The following LSM14A variants were observed in gnomAD, a reference collection of about 807,000 sequenced individuals.
LSM14A encodes LSM14A mRNA processing body assembly factor.
Under a neutral mutation model 52.4 loss-of-function variants are expected in LSM14A, and 14 were observed. The observed-to-expected ratio is 0.27, with a 90% CI of 0.18 to 0.42. LSM14A has a LOEUF of 0.42. Among genes scored for constraint, LSM14A ranks in the 10% least tolerant of loss-of-function variants. LSM14A has a pLI of 1.00. For missense variants in LSM14A, 417 were observed against 581.8 expected, an observed-to-expected ratio of 0.72 and a Z score of 2.91; for synonymous variants, 185 against 200.3, an observed-to-expected ratio of 0.92 and a Z score of 0.64.
chr19:34,202,578 C>CA (rs1352721583), intron 3 of LSM14A, among the ~76,000 whole-genome samples: 1 of 151,692 alleles, frequency 6.6e-6, no homozygotes, highest in African/African-American at 2.4e-5. Context: ...ATCAGTTTGG[C>CA]AAAAACTCAA....
intron 1 of LSM14A, among the ~76,000 whole-genome samples, chr19:34,180,364 A>G (rs2069394176): frequency 6.6e-6 from 1 of 152,210 alleles, no homozygotes. Flanking sequence ...TGGAATACTT[A>G]GCAGCTTTTT....
At position 34,172,627 on chromosome 19, in the gene LSM14A, C is replaced by G; in HGVS notation, c.-16C>G. The G allele has an allele frequency of 1.3e-6, 2 of 1,509,920 alleles. No homozygotes were observed. The highest frequency in any genetic ancestry group is 1.8e-6 in the Non-Finnish European group (2 of 1,119,532). 93.5% of individuals were successfully genotyped at this position (1,509,920 alleles called of 1,614,324 possible). On this transcript the variant is annotated 5_prime_UTR_variant, in exon 1 of 10. Coordinates refer to ENST00000544216, the MANE Select transcript of LSM14A (RefSeq NM_015578.4). ...CTGCCTCTCTGCGAGCAGCTGGGAG[C>G]GGCGGCGGCGGCGCCATGAGCGGGG...
intron 1 of LSM14A, among the ~76,000 whole-genome samples, chr19:34,179,564 G>C (rs748614908): frequency 3.9e-5 from 6 of 152,082 alleles, no homozygotes; most frequent in African/African-American, 7.2e-5. Flanking sequence ...AGAAATACTT[G>C]GTAATTCTGG....
intron 1 of LSM14A, among the ~76,000 whole-genome samples, chr19:34,174,169 G>A (rs963090553): frequency 3.7e-4 from 56 of 152,240 alleles, no homozygotes; most frequent in African/African-American, 1.3e-3. Context: ...GGCTGGTCTC[G>A]AACTCCTGAC....
intron 1 of LSM14A, among the ~76,000 whole-genome samples, chr19:34,174,054 A>T (rs2068904391): frequency 6.6e-6 from 1 of 152,156 alleles, no homozygotes; most frequent in African/African-American, 2.4e-5. Context: ...GGTTCAAGTG[A>T]TTCTCCTGCC....
rs1307402524 is a variant in LSM14A, at chr19:34,175,310, A to G, written c.121+2547A>G. Reference sequence around the variant, plus strand: ...CAGTGGCACAATCCTGGCTCCCTGTAACCTCTGCCTTCCAAGTTCAAGCAA... The same window carrying G: ...CAGTGGCACAATCCTGGCTCCCTGTGACCTCTGCCTTCCAAGTTCAAGCAA... On this transcript the variant is annotated intron_variant, in intron 1 of 9. Coordinates refer to ENST00000544216, the MANE Select transcript of LSM14A (RefSeq NM_015578.4). 2.6e-5 allele frequency among the ~76,000 whole-genome samples: 4 copies of G among 151,294 alleles called. No homozygotes were observed. In the East Asian group the frequency reaches 7.7e-4, roughly 29 times the overall value.
rs1328515026 is a variant in LSM14A, at chr19:34,172,750, A to G, written c.108A>G (p.Val36=). The G allele has an allele frequency of 6.4e-7, 1 of 1,571,802 alleles. No individual in the cohort carries two copies. The highest frequency in any genetic ancestry group is 8.6e-7 in the Non-Finnish European group (1 of 1,161,002). ...CCATCGACACCGAAAACTCCACCGTAGCCCTTGCCAAAGGTACGCGGGACC... is the reference window on the plus strand; with the variant it reads ...CCATCGACACCGAAAACTCCACCGTGGCCCTTGCCAAAGGTACGCGGGACC... ...LYTIDTENST[V]ALAKVRSFGT... is the part of the protein sequence containing the mutation. Residue 36 remains valine, a synonymous_variant, in exon 1 of 10, where the codon GTA becomes GTG. Transcript: ENST00000544216.
chr19:34,194,407 A>G, intron 1 of LSM14A, 71 bp from the exon 2 acceptor site: 2 of 1,293,968 alleles, frequency 1.5e-6, no homozygotes, highest in South Asian at 1.3e-5. Flanking sequence ...GAAATACAAC[A>G]TTTAGAATCT....
At chr19:34,206,436 A>T (rs2071700472) in intron 3 of LSM14A, among the ~76,000 whole-genome samples, 1 of 151,924 alleles carries the variant, frequency 6.6e-6, no homozygotes, top group South Asian at 2.1e-4. Flanking sequence ...TGGGAGGCCG[A>T]GGCGGGCAGA....
In LSM14A at chr19:34,228,251, A is replaced by G. The variant is rs2073442031; in HGVS notation, c.*863A>G. 1 of 152,640 alleles carries G rather than the reference A, an allele frequency of 6.6e-6. No individual in the cohort carries two copies. The highest frequency in any genetic ancestry group is 1.5e-5 in the Non-Finnish European group (1 of 68,042). The allele number at this position is 152,640 out of a possible 1,614,324, so 9.5% of individuals were successfully genotyped here. A position where few individuals can be genotyped will look rare whatever the true frequency, so the allele number is the denominator to read the frequency against. On this transcript the variant is annotated 3_prime_UTR_variant, in exon 10 of 10. Transcript: ENST00000544216. ...TACATTATTTCATTATCTAAAAAGG[A>G]TTAATTATTCATGCTCATTGTAAGA...
At chr19:34,222,526 G>T (rs894086500) in intron 9 of LSM14A, among the ~76,000 whole-genome samples, 2 of 152,296 alleles carry the variant, frequency 1.3e-5, no homozygotes, top group African/African-American at 4.8e-5. Flanking sequence ...GGCTATAACA[G>T]AAAGGACCAA....
At chr19:34,199,769 C>CT (rs1222581027) in intron 3 of LSM14A, among the ~76,000 whole-genome samples, 9 of 152,188 alleles carry the variant, frequency 5.9e-5, no homozygotes, top group African/African-American at 2.2e-4. Flanking sequence ...AAAAGACATA[C>CT]TTTTTTCATA....
At chr19:34,221,781 T>A in intron 9 of LSM14A, 43 bp downstream of exon 9, 1 of 1,572,816 alleles carries the variant, frequency 6.4e-7, no homozygotes, top group South Asian at 1.1e-5. Flanking sequence ...TGACATGCAT[T>A]TTACAAGACT....
At chr19:34,216,250 A>G (rs2072579527) in intron 6 of LSM14A, among the ~76,000 whole-genome samples, 4 of 152,004 alleles carry the variant, frequency 2.6e-5, no homozygotes, top group Middle Eastern at 3.4e-3. Context: ...CGTCTCCACT[A>G]AAAATACAAA....
chr19:34,184,442 CTG>C (rs2069736382), intron 1 of LSM14A, among the ~76,000 whole-genome samples: 1 of 152,166 alleles, frequency 6.6e-6, no homozygotes, highest in South Asian at 2.1e-4. Context: ...TTTCAAACAA[CTG>C]TATTTCTCTA....
At chr19:34,211,450 GATAA>G (rs2072145438) in intron 4 of LSM14A, among the ~76,000 whole-genome samples, 1 of 152,008 alleles carries the variant, frequency 6.6e-6, no homozygotes, top group Non-Finnish European at 1.5e-5. Flanking sequence ...CAACTTCTAT[GATAA>G]ATAATGTAAG....
At chr19:34,226,515 C>A in intron 9 of LSM14A, 1 of 1,422,818 alleles carries the variant, frequency 7.0e-7, no homozygotes, top group South Asian at 1.4e-5. Context: ...TTGTGGGGGA[C>A]AGCAGGTTCA....
rs770072578 is a variant in LSM14A at position 34,172,778 on chromosome 19, G to A, written c.121+15G>A. 2 of 1,564,606 alleles carry A rather than the reference G, an allele frequency of 1.3e-6. No individual in the cohort carries two copies. The highest frequency in any genetic ancestry group is 3.8e-5 in the Admixed American group (2 of 53,220). Reference sequence around the variant, plus strand: ...CCTTGCCAAAGGTACGCGGGACCGGGCCTCAGGGTGGGGGCCGAGCCGGGC... The same window carrying A: ...CCTTGCCAAAGGTACGCGGGACCGGACCTCAGGGTGGGGGCCGAGCCGGGC... On this transcript the variant is annotated intron_variant, in intron 1 of 9. Transcript: ENST00000544216.
chr19:34,197,303 C>G (rs181974838), intron 3 of LSM14A, among the ~76,000 whole-genome samples: 38 of 152,148 alleles, frequency 2.5e-4, no homozygotes, highest in Admixed American at 1.8e-3. Flanking sequence ...GTTGGCCAGG[C>G]AGGTCTTGAA....
Sources: gnomAD v4.1 joint callset for allele counts (sites outside exome capture counted in the v4.1 genomes callset) on GRCh38, gnomAD v4.1.1 for gene constraint, MANE v1.5 for transcripts, NCBI Gene and HGNC (gene_info 2026-07-23, HGNC 2026-07-21) for gene names.